The following PMS1 variants were observed in gnomAD, a reference collection of about 807,000 sequenced individuals.
The protein encoded by PMS1 is PMS1 protein homolog 1.
PMS1 carries 79 observed loss-of-function variants against 93.1 expected under a neutral mutation model. The observed-to-expected ratio is 0.85, with a 90% CI of 0.71 to 1.02. The LOEUF (loss-of-function observed/expected upper bound fraction) is 1.02. Among genes scored for constraint, PMS1 ranks in the 50% least tolerant of loss-of-function variants. The probability of loss-of-function intolerance (pLI) is 0.00; values close to 1 mark genes in which losing one functional copy is unlikely to be tolerated. For missense variants in PMS1, 1,064 were observed against 1,085.3 expected, an observed-to-expected ratio of 0.98 and a Z score of 0.28; for synonymous variants, 335 against 363.4, an observed-to-expected ratio of 0.92 and a Z score of 0.89.
chr2:189,843,902 A>G, intron 5 of PMS1, 62 bp from the exon 6 acceptor site: 1 of 1,413,750 alleles, frequency 7.1e-7, no homozygotes. Context: ...TAAAATACTG[A>G]CTTCTTGAGT....
rs535461760 is a variant in PMS1, at chr2:189,823,448, G to C, written c.582+5268G>C. Among the ~76,000 whole-genome samples, 41 of 126,446 alleles carry C rather than the reference G, an allele frequency of 3.2e-4. 1 individual carries two copies. The Middle Eastern group carries it at 0.011, about 35-fold the overall frequency. 83.0% of individuals were successfully genotyped at this position (126,446 alleles called of 152,430 possible). ...TCCTCCCACCCCCTCAACAGGCCCC[G>C]GTGTGTGATGTTCCCCACCCTGTGT... On this transcript the variant is annotated intron_variant, in intron 5 of 12. Coordinates refer to ENST00000441310, the MANE Select transcript of PMS1 (RefSeq NM_000534.5).
intron 11 of PMS1, among the ~76,000 whole-genome samples, chr2:189,871,861 A>C (rs2106543381): frequency 6.6e-6 from 1 of 152,354 alleles, no homozygotes; most frequent in East Asian, 1.9e-4. Context: ...TAGTGCTAGC[A>C]TCTGCTTCTG....
At chr2:189,811,598 C>T (rs1453628745) in intron 4 of PMS1, among the ~76,000 whole-genome samples, 1 of 149,944 alleles carries the variant, frequency 6.7e-6, no homozygotes, top group Non-Finnish European at 1.5e-5. Context: ...TTGTCTTCAA[C>T]AACAAAAAAA....
Position 189,877,534 on chromosome 2 carries a change from G to A in PMS1, c.*98G>A, listed in dbSNP as rs2057672388. 4 of 797,674 alleles carry A rather than the reference G, an allele frequency of 5.0e-6. No individual in the cohort carries two copies. The highest frequency in any genetic ancestry group is 5.0e-5 in the South Asian group (3 of 60,218). 49.4% of individuals were successfully genotyped at this position (797,674 alleles called of 1,614,324 possible). A position where few individuals can be genotyped will look rare whatever the true frequency, so the allele number is the denominator to read the frequency against. ...ATTATCTTTGTATTATGTGTCACAT[G>A]GTTATTTTTTAAATGAGGATTCACT... On this transcript the variant is annotated 3_prime_UTR_variant, in exon 13 of 13. Transcript: ENST00000441310.
chr2:189,844,178 T>G, intron 6 of PMS1, 98 bp downstream of exon 6: 1 of 1,576,712 alleles, frequency 6.3e-7, no homozygotes, highest in South Asian at 1.1e-5. Flanking sequence ...GGTTAGTCTT[T>G]TAATATTTTA....
intron 4 of PMS1, chr2:189,806,210 T>C (rs1307822974): frequency 2.2e-5 from 6 of 277,364 alleles, no homozygotes; most frequent in Non-Finnish European, 4.1e-5. Context: ...ACTGTACTTA[T>C]CACTCAGTTT....
intron 9 of PMS1, chr2:189,855,863 G>T: frequency 9.0e-7 from 1 of 1,108,688 alleles, no homozygotes; most frequent in Non-Finnish European, 1.2e-6. Flanking sequence ...TTATGTTCTG[G>T]TGATCTAATC....
At chr2:189,876,725 G>A (rs1386777117) in intron 12 of PMS1, among the ~76,000 whole-genome samples, 1 of 151,142 alleles carries the variant, frequency 6.6e-6, no homozygotes, top group Non-Finnish European at 1.5e-5. Context: ...CTCCTGCCTC[G>A]GCCTCCCATG....
intron 9 of PMS1, among the ~76,000 whole-genome samples, chr2:189,863,181 A>G (rs905296698): frequency 6.7e-6 from 1 of 150,160 alleles, no homozygotes; most frequent in Admixed American, 6.6e-5. Context: ...CCTACTTTAA[A>G]TAATTGAGGG....
At chr2:189,795,360 A>G (rs549294756) in intron 2 of PMS1, among the ~76,000 whole-genome samples, 1 of 152,364 alleles carries the variant, frequency 6.6e-6, no homozygotes, top group South Asian at 2.1e-4. Context: ...CTGCCTGACT[A>G]GAACATGTGT....
In PMS1 at chr2:189,857,115, A is replaced by G. The variant is rs553838226; in HGVS notation, c.1856+1987A>G. Among the ~76,000 whole-genome samples, 247 of 152,262 alleles carry G rather than the reference A, an allele frequency of 1.6e-3. 12 individuals are homozygous for G. The South Asian group carries it at 0.049, about 30-fold the overall frequency. ...AGGATTAAATAAGATATTGTGTGTT[A>G]TGATACAAGATCAATTACTAACACA... On this transcript the variant is annotated intron_variant, in intron 9 of 12. Transcript: ENST00000441310.
At chr2:189,872,881 G>A (rs2057274695) in intron 11 of PMS1, among the ~76,000 whole-genome samples, 1 of 152,076 alleles carries the variant, frequency 6.6e-6, no homozygotes, top group Admixed American at 6.6e-5. Flanking sequence ...TGATCTGCCT[G>A]CCTCGGCCTC....
chr2:189,844,493 A>G (rs2054079558), intron 6 of PMS1, among the ~76,000 whole-genome samples: 1 of 151,906 alleles, frequency 6.6e-6, no homozygotes, highest in Admixed American at 6.6e-5. Context: ...AAAATACAAA[A>G]ATTAGCCAGG....
intron 6 of PMS1, among the ~76,000 whole-genome samples, chr2:189,847,330 A>G (rs1270431157): frequency 6.6e-6 from 1 of 151,998 alleles, no homozygotes; most frequent in African/African-American, 2.4e-5. Flanking sequence ...TCACTTCGAT[A>G]ATTTCTATTT....
At chr2:189,844,785 C>CTT (rs1278308436) in intron 6 of PMS1, among the ~76,000 whole-genome samples, 2 of 151,504 alleles carry the variant, frequency 1.3e-5, no homozygotes, top group Non-Finnish European at 2.9e-5. Flanking sequence ...AACTTTTCTT[C>CTT]TTACTCCTTC....
intron 6 of PMS1, among the ~76,000 whole-genome samples, chr2:189,850,793 C>T (rs529818742): frequency 2.6e-5 from 4 of 151,978 alleles, no homozygotes; most frequent in Non-Finnish European, 5.9e-5. Context: ...GTGAGGGTGT[C>T]GGGCTGCAGG....
chr2:189,806,026 G>A (rs974261215), intron 4 of PMS1: 68 of 1,004,476 alleles, frequency 6.8e-5, no homozygotes, highest in Non-Finnish European at 8.9e-5. Flanking sequence ...TATTTTACCA[G>A]TGCTGGATTA....
chr2:189,877,284 C>CA lies in PMS1; in HGVS notation c.2647_2648insA (p.Arg883GlnfsTer29), dbSNP rs769123166. 4.3e-6 allele frequency: 7 copies of CA among 1,613,212 alleles called. No homozygotes were observed. In the South Asian group the frequency reaches 7.7e-5, roughly 18 times the overall value. ...TCCCTTTGGACAGGGAGAAGCAGTGCGTCTATCCAGACAATTACCCATGTA... is the reference window on the plus strand; with the variant it reads ...TCCCTTTGGACAGGGAGAAGCAGTGCAGTCTATCCAGACAATTACCCATGTA... On this transcript the variant is annotated frameshift_variant, in exon 13 of 13. Transcript: ENST00000441310. LOFTEE classifies it high-confidence loss of function.
intron 4 of PMS1, 100 bp from the exon 5 acceptor site, chr2:189,817,917 C>A: frequency 1.1e-6 from 1 of 883,238 alleles, no homozygotes; most frequent in Non-Finnish European, 1.9e-6. Context: ...AGGAGGAGAC[C>A]TTCAGTTATA....
Sources: allele counts gnomAD v4.1 joint callset (sites outside exome capture counted in the v4.1 genomes callset), GRCh38; gene constraint gnomAD v4.1.1; transcripts MANE v1.5; gene names NCBI Gene and HGNC (gene_info 2026-07-23, HGNC 2026-07-21).